The following UNC13C variants were observed in gnomAD, a reference collection of about 807,000 sequenced individuals.
UNC13C encodes protein unc-13 homolog C.
In UNC13C, 174 loss-of-function variants were observed where a neutral mutation model predicts 245.4. The observed-to-expected ratio is 0.71, with a 90% CI of 0.63 to 0.80. The LOEUF is 0.80. UNC13C is among the 30% of genes least tolerant of loss of function. The pLI, the probability that UNC13C is intolerant of heterozygous loss-of-function variation, is 0.00. For synonymous variants in UNC13C, 992 were observed against 895.1 expected (o/e 1.11, Z -1.93); for missense variants, 2,829 against 2,602.9 (o/e 1.09, Z -1.89).
intron 2 of UNC13C, among the ~76,000 whole-genome samples, chr15:54,020,868 T>A (rs760578339): frequency 6.6e-6 from 1 of 152,178 alleles, no homozygotes; most frequent in Non-Finnish European, 1.5e-5. Context: ...TTGTTTGTTT[T>A]TGGTAAATCT....
At chr15:54,034,108 C>T in intron 2 of UNC13C, among the ~76,000 whole-genome samples, 1 of 152,140 alleles carries the variant, frequency 6.6e-6, no homozygotes, top group African/African-American at 2.4e-5. Context: ...GGAGGCTGAC[C>T]CCTGTGTATT....
intron 4 of UNC13C, among the ~76,000 whole-genome samples, chr15:54,146,255 C>T (rs113755917): frequency 1.6e-4 from 24 of 152,196 alleles, no homozygotes; most frequent in South Asian, 1.0e-3. Flanking sequence ...TTTTGAAATA[C>T]GGAGTCATTG....
intron 19 of UNC13C, among the ~76,000 whole-genome samples, chr15:54,481,803 A>C (rs1051879594): frequency 6.6e-6 from 1 of 152,088 alleles, no homozygotes. Context: ...CTGATGGTGC[A>C]TGGGGATGCC....
At chr15:54,268,587 G>C (rs2036606717) in intron 10 of UNC13C, among the ~76,000 whole-genome samples, 1 of 152,072 alleles carries the variant, frequency 6.6e-6, no homozygotes, top group South Asian at 2.1e-4. Flanking sequence ...ACATACTTAA[G>C]TTACATGGAA....
At chr15:54,516,772 C>A (rs1296326101) in intron 24 of UNC13C, among the ~76,000 whole-genome samples, 1 of 132,290 alleles carries the variant, frequency 7.6e-6, no homozygotes, top group Non-Finnish European at 1.5e-5. Flanking sequence ...GGCACTCCAG[C>A]CTGGAAAACG....
chr15:54,220,401 A>T (rs1410668683), intron 4 of UNC13C, among the ~76,000 whole-genome samples: 6 of 141,740 alleles, frequency 4.2e-5, no homozygotes, highest in African/African-American at 1.6e-4. Context: ...AACAATGAGA[A>T]CACATGGACA....
At chr15:54,367,667 A>G (rs954770348) in intron 17 of UNC13C, among the ~76,000 whole-genome samples, 5 of 152,168 alleles carry the variant, frequency 3.3e-5, no homozygotes, top group Non-Finnish European at 7.4e-5. Flanking sequence ...AGCATAATAA[A>G]AGCTGCTTTT....
intron 4 of UNC13C, among the ~76,000 whole-genome samples, chr15:54,177,341 A>G (rs2033649634): frequency 6.6e-6 from 1 of 152,174 alleles, no homozygotes; most frequent in Middle Eastern, 3.2e-3. Context: ...GAGGTTCTTT[A>G]CAAGTTAAGA....
rs9302173 is a variant in UNC13C at position 54,133,600 on chromosome 15, T to A, written c.2984-9418T>A. On this transcript the variant is annotated intron_variant, in intron 2 of 32. Transcript: ENST00000260323. ...GCTGCAAAATGAACCTGTTGTGAGA[T>A]GATATGTGCCTTCTAAGACTAGGAA... 7.2e-5 allele frequency among the ~76,000 whole-genome samples: 11 copies of A among 152,250 alleles called. No individual in the cohort carries two copies. The Middle Eastern group carries it at 0.017, about 235-fold the overall frequency.
intron 18 of UNC13C, among the ~76,000 whole-genome samples, chr15:54,405,507 G>C (rs981976586): frequency 1.3e-5 from 2 of 151,880 alleles, no homozygotes; most frequent in African/African-American, 4.8e-5. Flanking sequence ...TTTGATACTG[G>C]GACTACAGCA....
chr15:54,002,261 G>A (rs1369972801), intron 1 of UNC13C, among the ~76,000 whole-genome samples: 2 of 152,250 alleles, frequency 1.3e-5, no homozygotes, highest in East Asian at 3.9e-4. Flanking sequence ...ACTCCAGGCT[G>A]GGTGAAAGAG....
At chr15:53,886,728 T>C in the UNC13C span, among the ~76,000 whole-genome samples, 1 of 152,116 alleles carries the variant, frequency 6.6e-6, no homozygotes, top group East Asian at 1.9e-4. Context: ...CTGATAAACA[T>C]TATTTCAACT....
At chr15:54,048,174 A>G (rs535083126) in intron 2 of UNC13C, among the ~76,000 whole-genome samples, 1 of 152,186 alleles carries the variant, frequency 6.6e-6, no homozygotes, top group Non-Finnish European at 1.5e-5. Flanking sequence ...TAAGCATGGC[A>G]TGTAGGGCTT....
chr15:54,450,612 G>A (rs1891118175), intron 19 of UNC13C, among the ~76,000 whole-genome samples: 2 of 152,202 alleles, frequency 1.3e-5, no homozygotes, highest in African/African-American at 4.8e-5. Context: ...TTGTTAAGAC[G>A]ATTGGAAAAG....
chr15:54,004,790 C>T (rs1272146587), intron 1 of UNC13C, among the ~76,000 whole-genome samples: 1 of 152,096 alleles, frequency 6.6e-6, no homozygotes, highest in Non-Finnish European at 1.5e-5. Context: ...TGCCCATTTT[C>T]CGTTTGTATA....
At chr15:54,119,228 G>A (rs998025382) in intron 2 of UNC13C, among the ~76,000 whole-genome samples, 5 of 151,954 alleles carry the variant, frequency 3.3e-5, no homozygotes, top group African/African-American at 1.2e-4. Flanking sequence ...ACAAATCAAA[G>A]GTCTGTGGCA....
At chr15:54,559,626 T>C (rs1897222593) in intron 29 of UNC13C, among the ~76,000 whole-genome samples, 1 of 151,820 alleles carries the variant, frequency 6.6e-6, no homozygotes, top group Non-Finnish European at 1.5e-5. Context: ...ATAATTGTGA[T>C]CAAAGGATGG....
At chr15:54,423,975 A>G (rs2140964370) in intron 19 of UNC13C, among the ~76,000 whole-genome samples, 1 of 152,018 alleles carries the variant, frequency 6.6e-6, no homozygotes, top group Non-Finnish European at 1.5e-5. Context: ...AAATTAGTTT[A>G]GAAAATTTCA....
intron 2 of UNC13C, among the ~76,000 whole-genome samples, chr15:54,079,539 T>C (rs1003370274): frequency 1.3e-5 from 2 of 152,086 alleles, no homozygotes; most frequent in Non-Finnish European, 2.9e-5. Flanking sequence ...TGGTTAGATG[T>C]ATTCCTGGGT....
Sources: allele counts gnomAD v4.1 joint callset (sites outside exome capture counted in the v4.1 genomes callset), GRCh38; gene constraint gnomAD v4.1.1; transcripts MANE v1.5; gene names NCBI Gene and HGNC (gene_info 2026-07-23, HGNC 2026-07-21).